Variants in ARFGEF3 observed in about 807,000 individuals in gnomAD.
ARFGEF3 encodes brefeldin A-inhibited guanine nucleotide-exchange protein 3.
Under a neutral mutation model 221.7 loss-of-function variants are expected in ARFGEF3, and 96 were observed. The observed-to-expected ratio is 0.43, with a 90% CI of 0.37 to 0.51. The LOEUF is 0.51. Among genes scored for constraint, ARFGEF3 ranks in the 20% least tolerant of loss-of-function variants. ARFGEF3 has a pLI of 0.00. For synonymous variants in ARFGEF3, 1,145 were observed against 1,126.8 expected (o/e 1.02, Z -0.32); for missense variants, 2,410 against 2,789.9 (o/e 0.86, Z 3.07).
In ARFGEF3 at chr6:138,263,533, C is replaced by A; in HGVS notation, c.2050C>A (p.Leu684Ile). ...GTTCATACAGTCCCTGGAAGGCCTC[C>A]TCCCTCGGCTCCTGTCTCTCTCCAA... ...RLFIQSLEGLLPRLLSLSNVE... is the reference protein window; with the variant it reads ...RLFIQSLEGLIPRLLSLSNVE... The change falls in exon 12 of 34, where the codon CTC becomes ATC. Residue 684 changes from leucine (L) to isoleucine (I), a missense_variant. Physicochemically the swap from Leu to Ile is conservative, Grantham distance 5. Transcript: ENST00000251691. The A allele has an allele frequency of 6.2e-7, 1 of 1,613,402 alleles. No homozygotes were observed. The highest frequency in any genetic ancestry group is 8.5e-7 in the Non-Finnish European group (1 of 1,179,854).
chr6:138,286,778 C>T lies in ARFGEF3; in HGVS notation c.2647C>T (p.Arg883Ter), dbSNP rs1244556535. 3.1e-6 allele frequency: 5 copies of T among 1,614,008 alleles called. No individual in the cohort carries two copies. Among genetic ancestry groups the T allele is most frequent in the East Asian group, 2.2e-5 (1 of 44,882 alleles). ...IDTLSTPLTG[R>*]MAGSSKGLAF... ...TACTTTATCAACCCCACTGACTGGT[C>T]GAATGGCGGGGAGCTCCAAAGGGCT... is the stretch of plus-strand genomic sequence containing the variant. Residue 883 changes from arginine to a stop codon, truncating the protein, a stop_gained, in exon 16 of 34, where the codon CGA (arginine) becomes TGA (stop). Coordinates refer to ENST00000251691, the MANE Select transcript of ARFGEF3 (RefSeq NM_020340.5). LOFTEE classifies it high-confidence loss of function.
intron 3 of ARFGEF3, 95 bp from the exon 4 acceptor site, chr6:138,209,815 G>A: frequency 1.3e-6 from 2 of 1,483,288 alleles, no homozygotes; most frequent in Non-Finnish European, 1.8e-6. Flanking sequence ...CGCCTCCCCA[G>A]TAAGAAAACT....
chr6:138,323,117 G>A (rs1272055389), intron 29 of ARFGEF3, among the ~76,000 whole-genome samples: 1 of 152,132 alleles, frequency 6.6e-6, no homozygotes, highest in Non-Finnish European at 1.5e-5. Flanking sequence ...ATGCAGTCTT[G>A]CATACAAGTC....
chr6:138,289,628 C>T (rs2114633216), intron 17 of ARFGEF3, among the ~76,000 whole-genome samples, 190 bp from the exon 18 acceptor site: 1 of 152,268 alleles, frequency 6.6e-6, no homozygotes, highest in Admixed American at 6.5e-5. Context: ...AGAGCTGGGG[C>T]CACCAGCACG....
chr6:138,215,944 A>T (rs1777840678), intron 4 of ARFGEF3: 1 of 139,564 alleles, frequency 7.2e-6, no homozygotes, highest in Non-Finnish European at 1.5e-5. Flanking sequence ...GTAATTTACC[A>T]TTGGTTTTTT....
At chr6:138,286,976 A>AGGGTGGG (rs1779309467) in intron 16 of ARFGEF3, 60 bp downstream of exon 16, 1 of 1,593,768 alleles carries the variant, frequency 6.3e-7, no homozygotes, top group Non-Finnish European at 8.6e-7. Context: ...GGAATGACCC[A>AGGGTGGG]GCAGGGTGGG....
chr6:138,243,940 C>T (rs185416673), intron 7 of ARFGEF3, among the ~76,000 whole-genome samples: 70 of 152,172 alleles, frequency 4.6e-4, no homozygotes, highest in Admixed American at 1.6e-3. Context: ...CAGTGACGTG[C>T]GCTAAGATGT....
At chr6:138,185,862 T>C (rs1429755178) in intron 2 of ARFGEF3, among the ~76,000 whole-genome samples, 1 of 152,220 alleles carries the variant, frequency 6.6e-6, no homozygotes, top group Non-Finnish European at 1.5e-5. Context: ...TTACCAATTA[T>C]GGCGTATTGT....
intron 8 of ARFGEF3, among the ~76,000 whole-genome samples, chr6:138,251,685 C>T (rs1212548729): frequency 2.6e-5 from 4 of 152,090 alleles, no homozygotes. Flanking sequence ...AAATCCCTTC[C>T]TCCTCCACCC....
At position 138,262,806 on chromosome 6, in the gene ARFGEF3, C is replaced by G. The variant is rs779237557; in HGVS notation, c.1323C>G (p.Ser441Arg). Residue 441 changes from serine (S) to arginine (R), a missense_variant, in exon 12 of 34, where the codon AGC (serine) becomes AGG (arginine). Around this residue, in one of 5 missense-constraint regions of ARFGEF3, gnomAD observed 570 missense variants for 586.9 expected, o/e 0.97. Coordinates refer to ENST00000251691, the MANE Select transcript of ARFGEF3 (RefSeq NM_020340.5). ...CTLLGALDEL[S>R]QGKGLSEGQV... The stretch of plus-strand genomic sequence containing the variant: ...TGCTGGGTGCCCTGGATGAGCTCAG[C>G]CAGGGGAAGGGCTTGAGCGAAGGTC... 6.2e-7 allele frequency: 1 copy of G among 1,614,030 alleles called. No individual in the cohort carries two copies. Among genetic ancestry groups the G allele is most frequent in the East Asian group, 2.2e-5 (1 of 44,866 alleles).
Position 138,336,382 on chromosome 6 carries a change from C to G in ARFGEF3, c.6430C>G (p.Pro2144Ala). ...TFTALQPAVFPCISQLTCHVT... is the reference protein window; with the variant it reads ...TFTALQPAVFACISQLTCHVT... ...CACGGCCCTCCAGCCCGCAGTGTTC[C>G]CGTGCATCAGTCAGCTGACCTGTCA... The change falls in exon 34 of 34, where the codon CCG becomes GCG. Residue 2144 changes from proline to alanine, a missense_variant. Pro to Ala is a conservative substitution (Grantham distance 27). Transcript: ENST00000251691. 1.2e-6 allele frequency: 2 copies of G among 1,613,378 alleles called. No homozygotes were observed. The highest frequency in any genetic ancestry group is 1.1e-5 in the South Asian group (1 of 90,852).
intron 7 of ARFGEF3, among the ~76,000 whole-genome samples, chr6:138,244,515 T>C (rs745721558): frequency 1.3e-5 from 2 of 152,248 alleles, no homozygotes; most frequent in Non-Finnish European, 2.9e-5. Context: ...TCAGCAGTTT[T>C]CGATATGTAG....
At chr6:138,252,451 T>G (rs529429513) in intron 8 of ARFGEF3, among the ~76,000 whole-genome samples, 4 of 152,340 alleles carry the variant, frequency 2.6e-5, no homozygotes, top group Non-Finnish European at 5.9e-5. Flanking sequence ...CATAAAGGAC[T>G]CCACCCCCTC....
chr6:138,241,452 T>G (rs751468174), intron 6 of ARFGEF3, among the ~76,000 whole-genome samples: 5 of 152,238 alleles, frequency 3.3e-5, no homozygotes, highest in Admixed American at 6.5e-5. Context: ...CCTGCCCTTC[T>G]TCCTACATGC....
At chr6:138,180,189 AG>A (rs1317781708) in intron 2 of ARFGEF3, among the ~76,000 whole-genome samples, 1 of 152,224 alleles carries the variant, frequency 6.6e-6, no homozygotes, top group Non-Finnish European at 1.5e-5. Context: ...TAACATGATG[AG>A]GACAGCAAAT....
rs769295913 is a variant in ARFGEF3, at chr6:138,334,159, C to T, written c.5313C>T (p.Phe1771=). 2 of 1,613,916 alleles carry T rather than the reference C, an allele frequency of 1.2e-6. No homozygotes were observed. The highest frequency in any genetic ancestry group is 1.1e-5 in the South Asian group (1 of 91,066). Residue 1771 remains phenylalanine (F), a synonymous_variant, in exon 33 of 34, where the codon TTC becomes TTT. Transcript: ENST00000251691. This position sits in a 1 kb window ranked among gnomAD's most constrained non-coding sequence, Gnocchi z 5.1. ...CTATGCAGAACTTGGCAGTCATATT[C>T]GACCTGCTGCTGGACTCTTATAGGA... ...YISMQNLAVI[F]DLLLDSYRTA...
chr6:138,254,505 G>A (rs1424063183), intron 9 of ARFGEF3, among the ~76,000 whole-genome samples: 3 of 151,900 alleles, frequency 2.0e-5, no homozygotes, highest in Admixed American at 2.0e-4. Context: ...ACCTAGGTGG[G>A]CGGATCACAA....
At chr6:138,335,246 GCCC>G in intron 33 of ARFGEF3, 58 bp downstream of exon 33, 1 of 1,457,030 alleles carries the variant, frequency 6.9e-7, no homozygotes, top group Middle Eastern at 2.4e-4. Flanking sequence ...TACTGGATGG[GCCC>G]CCCCTTGCAG....
At position 138,324,095 on chromosome 6, in the gene ARFGEF3, C is replaced by A. The variant is rs1256939859; in HGVS notation, c.4942C>A (p.Pro1648Thr). Residue 1648 changes from proline (P) to threonine (T), a missense_variant, in exon 31 of 34, where the codon CCG becomes ACG. This residue lies in a region of ARFGEF3 where 723 missense variants were observed against 991.9 expected (regional missense o/e 0.73). Coordinates refer to ENST00000251691, the MANE Select transcript of ARFGEF3 (RefSeq NM_020340.5). ...GEGCQVRVAA[P>T]SSSPSAEAEY... ...AGGCTGCCAGGTGCGAGTGGCGGCC[C>A]CGTCCTCCTCCCCAAGTGCCGAGGC... 1 of 1,613,848 alleles carries A rather than the reference C, an allele frequency of 6.2e-7. No homozygotes were observed. The highest frequency in any genetic ancestry group is 8.5e-7 in the Non-Finnish European group (1 of 1,179,882).
Sources: allele counts gnomAD v4.1 joint callset (sites outside exome capture counted in the v4.1 genomes callset), GRCh38; gene constraint gnomAD v4.1.1; regional missense constraint gnomAD v4.1.1; non-coding constraint Gnocchi (gnomAD v3.1); transcripts MANE v1.5; gene names NCBI Gene and HGNC (gene_info 2026-07-23, HGNC 2026-07-21).